TTC28: variants seen among roughly 807,000 people sequenced by gnomAD.
TTC28 encodes tetratricopeptide repeat protein 28.
In TTC28, 61 loss-of-function variants were observed where a neutral mutation model predicts 198.0. The ratio of observed to expected loss-of-function variants is 0.31; its 90% CI spans 0.25 to 0.38. The LOEUF is 0.38. Ranked by LOEUF, TTC28 falls within the 10% of genes least tolerant of loss-of-function variation. The probability of loss-of-function intolerance (pLI) is 1.00; values close to 1 mark genes in which losing one functional copy is unlikely to be tolerated. For synonymous variants in TTC28, 1,171 were observed against 1,297.8 expected, an observed-to-expected ratio of 0.90 and a Z score of 2.10; for missense variants, 2,678 against 3,164.0, an observed-to-expected ratio of 0.85 and a Z score of 3.69.
At chr22:28,219,700 C>T (rs537189288) in intron 5 of TTC28, among the ~76,000 whole-genome samples, 2 of 151,898 alleles carry the variant, frequency 1.3e-5, no homozygotes, top group Non-Finnish European at 2.9e-5. Flanking sequence ...GACTGACGAT[C>T]AAAAGAACAA....
rs117546758 is a variant in TTC28 at position 28,011,918 on chromosome 22, A to G, written c.4218+2330T>C. 4.8e-4 allele frequency among the ~76,000 whole-genome samples: 73 copies of G among 152,300 alleles called. No individual in the cohort carries two copies. In the East Asian group the frequency reaches 0.014, roughly 28 times the overall value. On this transcript the variant is annotated intron_variant, in intron 14 of 22. Transcript: ENST00000397906. The stretch of plus-strand genomic sequence containing the variant: ...CTCCCCTCCCGGTCCCCAAACACCA[A>G]TGCAACATTAATGGAACAAGTAATC...
intron 2 of TTC28, among the ~76,000 whole-genome samples, chr22:28,522,425 T>C (rs370371994): frequency 5.3e-5 from 8 of 150,518 alleles, no homozygotes; most frequent in African/African-American, 2.0e-4. Context: ...GAGGTGGAGG[T>C]TGCAGTGAGC....
At chr22:28,369,828 A>AAT (rs1056932540) in intron 2 of TTC28, among the ~76,000 whole-genome samples, 4 of 152,228 alleles carry the variant, frequency 2.6e-5, no homozygotes, top group African/African-American at 9.6e-5. Context: ...AAATGTGTAA[A>AAT]ATATATATAT....
intron 2 of TTC28, among the ~76,000 whole-genome samples, chr22:28,622,142 A>G (rs1488382376): frequency 6.6e-6 from 1 of 152,222 alleles, no homozygotes. Context: ...CAGGTACTGT[A>G]AGAATGGTAA....
intron 2 of TTC28, among the ~76,000 whole-genome samples, chr22:28,561,487 G>A (rs2049879697): frequency 6.6e-6 from 1 of 152,184 alleles, no homozygotes; most frequent in Admixed American, 6.5e-5. Context: ...AAGGAAAATT[G>A]CAGAAGGCAG....
chr22:28,322,800 C>T (rs140288312), intron 2 of TTC28, among the ~76,000 whole-genome samples: 1 of 152,208 alleles, frequency 6.6e-6, no homozygotes, highest in African/African-American at 2.4e-5. Flanking sequence ...TCTTACAGGG[C>T]TCTAACATCA....
At chr22:28,398,903 T>A (rs2046857659) in intron 2 of TTC28, among the ~76,000 whole-genome samples, 1 of 152,192 alleles carries the variant, frequency 6.6e-6, no homozygotes, top group Non-Finnish European at 1.5e-5. Context: ...ATATCCTTCT[T>A]GTTACTTCAA....
chr22:28,015,710 GACACCACACC>G (rs1938342902), intron 13 of TTC28, among the ~76,000 whole-genome samples: 1 of 151,986 alleles, frequency 6.6e-6, no homozygotes. Context: ...ACAGACGTGA[GACACCACACC>G]CCACCATCAG....
Position 28,097,688 on chromosome 22 carries a change from G to C in TTC28, c.3547+1227C>G, listed in dbSNP as rs370064680. ...CTATAACCAGAGTCCAAAGAAAGCA[G>C]ACAGAAGCAGACCAGATGCTGCAGC... is the stretch of plus-strand genomic sequence containing the variant. On this transcript the variant is annotated intron_variant, in intron 10 of 22. Transcript: ENST00000397906. 2.1e-3 allele frequency among the ~76,000 whole-genome samples: 318 copies of C among 152,326 alleles called. 1 individual carries two copies. The highest frequency in any genetic ancestry group is 7.3e-3 in the African/African-American group (302 of 41,570).
chr22:28,358,228 C>T (rs2046107327), intron 2 of TTC28, among the ~76,000 whole-genome samples: 1 of 152,164 alleles, frequency 6.6e-6, no homozygotes, highest in Non-Finnish European at 1.5e-5. Flanking sequence ...TCCACAGCAC[C>T]GACCCTTCAC....
At chr22:28,640,527 A>C (rs991014274) in intron 1 of TTC28, among the ~76,000 whole-genome samples, 5 of 151,386 alleles carry the variant, frequency 3.3e-5, no homozygotes, top group African/African-American at 9.7e-5. Flanking sequence ...AAGATACCAC[A>C]AAGAAAATCA....
intron 5 of TTC28, among the ~76,000 whole-genome samples, chr22:28,199,383 TTATATA>T (rs34398046): frequency 0.053 from 6,324 of 118,280 alleles, 189 homozygotes; most frequent in African/African-American, 0.077. Context: ...ACATTAAAAA[TTATATA>T]TATATATATA....
chr22:28,398,261 C>CT (rs954286546), intron 2 of TTC28, among the ~76,000 whole-genome samples: 6 of 151,998 alleles, frequency 3.9e-5, no homozygotes, highest in African/African-American at 1.4e-4. Context: ...GGGCCAGGGC[C>CT]TGTGCTCAGG....
At chr22:28,092,888 C>T (rs922242639) in intron 12 of TTC28, among the ~76,000 whole-genome samples, 50 of 152,134 alleles carry the variant, frequency 3.3e-4, no homozygotes, top group African/African-American at 1.2e-3. Flanking sequence ...GTGGCTAAAG[C>T]CTGTTCCTAC....
chr22:28,256,232 G>A (rs1057459366), intron 5 of TTC28, among the ~76,000 whole-genome samples: 5 of 151,920 alleles, frequency 3.3e-5, no homozygotes, highest in African/African-American at 4.8e-5. Flanking sequence ...GACCAGCCTG[G>A]ACAACAAAGC....
intron 2 of TTC28, among the ~76,000 whole-genome samples, chr22:28,473,598 C>A (rs2048125943): frequency 6.6e-6 from 1 of 152,186 alleles, no homozygotes; most frequent in African/African-American, 2.4e-5. Context: ...TGCAGGACTG[C>A]CACTGAGCTG....
At chr22:28,024,386 T>G (rs1601528726) in intron 13 of TTC28, among the ~76,000 whole-genome samples, 1 of 152,024 alleles carries the variant, frequency 6.6e-6, no homozygotes, top group East Asian at 1.9e-4. Context: ...AGGTCTGGGG[T>G]TCCTCTGGGT....
chr22:28,337,017 T>C (rs1371325983), intron 2 of TTC28, among the ~76,000 whole-genome samples: 12 of 152,092 alleles, frequency 7.9e-5, no homozygotes, highest in East Asian at 1.9e-4. Context: ...TTGAATGTGT[T>C]CCAGAGATTC....
chr22:28,580,893 T>C (rs1213336621), intron 2 of TTC28, among the ~76,000 whole-genome samples: 1 of 152,184 alleles, frequency 6.6e-6, no homozygotes, highest in African/African-American at 2.4e-5. Flanking sequence ...CCTTTGAGAC[T>C]AAATGAAAAT....
Sources: allele counts gnomAD v4.1 joint callset (sites outside exome capture counted in the v4.1 genomes callset), GRCh38; gene constraint gnomAD v4.1.1; transcripts MANE v1.5; gene names NCBI Gene and HGNC (gene_info 2026-07-23, HGNC 2026-07-21).